AP3B1: variants seen among roughly 807,000 people sequenced by gnomAD.
AP3B1 encodes the protein adaptor related protein complex 3 subunit beta 1, also known as AP-3 complex subunit beta-1.
Under a neutral mutation model 132.5 loss-of-function variants are expected in AP3B1, and 61 were observed. That is an observed-to-expected ratio of 0.46 (90% CI 0.37 to 0.57). The LOEUF is 0.57. Ranked by LOEUF, AP3B1 falls within the 20% of genes least tolerant of loss-of-function variation. The pLI is 0.00. For synonymous variants in AP3B1, 388 were observed against 438.3 expected, an observed-to-expected ratio of 0.89 and a Z score of 1.43; for missense variants, 1,120 against 1,289.4, an observed-to-expected ratio of 0.87 and a Z score of 2.01.
intron 7 of AP3B1, among the ~76,000 whole-genome samples, chr5:78,183,261 C>G (rs1190349921): frequency 1.3e-5 from 2 of 152,184 alleles, no homozygotes; most frequent in South Asian, 2.1e-4. Flanking sequence ...AGTGATGAGA[C>G]AGCACCCCTC....
At chr5:78,279,502 C>A (rs1440336029) in intron 1 of AP3B1, among the ~76,000 whole-genome samples, 1 of 141,750 alleles carries the variant, frequency 7.1e-6, no homozygotes, top group Non-Finnish European at 1.6e-5. Flanking sequence ...CATCATAAAA[C>A]CAGGGAATGG....
intron 7 of AP3B1, among the ~76,000 whole-genome samples, chr5:78,186,823 A>G (rs1744625736): frequency 6.6e-6 from 1 of 152,186 alleles, no homozygotes; most frequent in South Asian, 2.1e-4. Context: ...GTGCCTACAG[A>G]TTTTACACAA....
At chr5:78,075,594 T>C (rs1580315028) in intron 22 of AP3B1, among the ~76,000 whole-genome samples, 2 of 152,210 alleles carry the variant, frequency 1.3e-5, no homozygotes, top group African/African-American at 4.8e-5. Flanking sequence ...CCCATATTCC[T>C]TTGATAAGGA....
intron 1 of AP3B1, among the ~76,000 whole-genome samples, chr5:78,284,975 G>A (rs1197311604): frequency 6.6e-6 from 1 of 152,100 alleles, no homozygotes; most frequent in South Asian, 2.1e-4. Flanking sequence ...GGCCAGGCGC[G>A]GTGGCCCACG....
At chr5:78,278,015 AT>A (rs1748857381) in intron 1 of AP3B1, among the ~76,000 whole-genome samples, 2 of 152,062 alleles carry the variant, frequency 1.3e-5, no homozygotes, top group African/African-American at 4.8e-5. Flanking sequence ...TGCTCAGGAG[AT>A]TAGGAATGTC....
intron 14 of AP3B1, among the ~76,000 whole-genome samples, chr5:78,143,989 A>G: frequency 6.6e-6 from 1 of 152,088 alleles, no homozygotes; most frequent in Middle Eastern, 3.2e-3. Flanking sequence ...TGGGTGACAG[A>G]GCGAGACTCT....
intron 15 of AP3B1, among the ~76,000 whole-genome samples, chr5:78,140,903 G>C (rs557680303): frequency 6.6e-6 from 1 of 152,216 alleles, no homozygotes; most frequent in South Asian, 2.1e-4. Context: ...GAATTCCACT[G>C]TATGTCAATA....
chr5:78,159,722 GT>G (rs1272490358), intron 13 of AP3B1, among the ~76,000 whole-genome samples: 1 of 152,086 alleles, frequency 6.6e-6, no homozygotes, highest in Non-Finnish European at 1.5e-5. Flanking sequence ...ATATTCACAG[GT>G]TCTGGGCATC....
intron 22 of AP3B1, among the ~76,000 whole-genome samples, chr5:78,069,364 C>T (rs1749434355): frequency 6.6e-6 from 1 of 152,190 alleles, no homozygotes; most frequent in African/African-American, 2.4e-5. Flanking sequence ...ATCATCTCAG[C>T]CCAAAAGCTT....
At chr5:78,220,788 G>A (rs771981076) in intron 6 of AP3B1, among the ~76,000 whole-genome samples, 2 of 152,020 alleles carry the variant, frequency 1.3e-5, no homozygotes, top group African/African-American at 2.4e-5. Context: ...AGTGGCTCAC[G>A]CCTGTAATCC....
intron 1 of AP3B1, among the ~76,000 whole-genome samples, chr5:78,291,047 G>C (rs1447456870): frequency 6.6e-6 from 1 of 152,114 alleles, no homozygotes. Context: ...GGCCTTTTTA[G>C]CCAATAAATT....
intron 14 of AP3B1, among the ~76,000 whole-genome samples, chr5:78,144,368 T>C (rs546544855): frequency 1.3e-5 from 2 of 152,290 alleles, no homozygotes; most frequent in East Asian, 1.9e-4. Flanking sequence ...CCACAGCAGC[T>C]ATAGAAAGAC....
intron 21 of AP3B1, among the ~76,000 whole-genome samples, chr5:78,096,873 C>T (rs1750832868): frequency 6.6e-6 from 1 of 150,542 alleles, no homozygotes; most frequent in Non-Finnish European, 1.5e-5. Flanking sequence ...GCCGCCCCGT[C>T]CGGGAGGGAG....
Position 78,157,633 on chromosome 5 carries a change from C to T in AP3B1, c.1364-1266G>A, listed in dbSNP as rs575727188. Among the ~76,000 whole-genome samples, 4 of 152,242 alleles carry T rather than the reference C, an allele frequency of 2.6e-5. No individual in the cohort carries two copies. In the East Asian group the frequency reaches 7.7e-4, roughly 29 times the overall value. ...TGCCAAAGAAATAAATCAACATTGC[C>T]TTTACTTATTATTTTGATATTTTTA... On this transcript the variant is annotated intron_variant, in intron 13 of 26. Transcript: ENST00000255194.
At chr5:78,042,577 C>A in intron 22 of AP3B1, 1 of 188,194 alleles carries the variant, frequency 5.3e-6, no homozygotes. Flanking sequence ...GAATTTCTTG[C>A]AATTCTCCTT....
At chr5:78,095,480 G>A (rs763143573) in intron 21 of AP3B1, among the ~76,000 whole-genome samples, 1 of 152,164 alleles carries the variant, frequency 6.6e-6, no homozygotes, top group East Asian at 1.9e-4. Flanking sequence ...CTAATAGGAG[G>A]CATACAGTGA....
At chr5:78,193,744 T>TTATATATATA (rs10602406) in intron 7 of AP3B1, among the ~76,000 whole-genome samples, 3 of 110,412 alleles carry the variant, frequency 2.7e-5, no homozygotes, top group South Asian at 2.8e-4. Flanking sequence ...ATATATTTTT[T>TTATATATATA]TATATATATA....
chr5:78,183,455 C>T (rs1171299319), intron 7 of AP3B1, among the ~76,000 whole-genome samples: 3 of 151,926 alleles, frequency 2.0e-5, no homozygotes, highest in African/African-American at 7.3e-5. Flanking sequence ...GATGCCAATA[C>T]CAAGATAATA....
At chr5:78,175,575 C>T in intron 11 of AP3B1, 51 bp downstream of exon 11, 1 of 1,420,412 alleles carries the variant, frequency 7.0e-7, no homozygotes, top group Non-Finnish European at 9.9e-7. Flanking sequence ...ATAGAAATAT[C>T]TCTTCAAAAC....
Sources: gnomAD v4.1 joint callset for allele counts (sites outside exome capture counted in the v4.1 genomes callset) on GRCh38, gnomAD v4.1.1 for gene constraint, MANE v1.5 for transcripts, NCBI Gene and HGNC (gene_info 2026-07-23, HGNC 2026-07-21) for gene names.